The following CAPN2 variants were observed in gnomAD, a reference collection of about 807,000 sequenced individuals.
CAPN2 encodes calpain 2, also known as calpain-2 catalytic subunit.
In CAPN2, 92 loss-of-function variants were observed where a neutral mutation model predicts 102.3. The ratio of observed to expected loss-of-function variants is 0.90; its 90% confidence interval spans 0.76 to 1.07. The LOEUF (loss-of-function observed/expected upper bound fraction) is 1.07. Among genes scored for constraint, CAPN2 ranks in the 50% least tolerant of loss-of-function variants. The pLI is 0.00. For synonymous variants in CAPN2, 340 were observed against 355.4 expected, an observed-to-expected ratio of 0.96 and a Z score of 0.49; for missense variants, 800 against 909.4, an observed-to-expected ratio of 0.88 and a Z score of 1.55.
In CAPN2 at chr1:223,725,031, AGGACTT is replaced by A. The variant is rs923397459; in HGVS notation, c.307+7203_307+7208del. Among the ~76,000 whole-genome samples, 5 of 152,216 alleles carry A rather than the reference AGGACTT, an allele frequency of 3.3e-5. No homozygotes were observed. The highest frequency in any genetic ancestry group is 2.0e-4 in the Admixed American group (3 of 15,276). On this transcript the variant is annotated intron_variant, in intron 2 of 20. Coordinates refer to ENST00000295006, the MANE Select transcript of CAPN2 (RefSeq NM_001748.5). This position sits in a 1 kb window ranked among gnomAD's most constrained non-coding sequence, Gnocchi z 4.1. Reference sequence around the variant, plus strand: ...TCTGTAAATATCAGGGTAGCGAATGAGGACTTGGTGTCTGGCAGTTAGGGACTGGCC... The same window carrying A: ...TCTGTAAATATCAGGGTAGCGAATGAGGTGTCTGGCAGTTAGGGACTGGCC...
intron 2 of CAPN2, among the ~76,000 whole-genome samples, chr1:223,737,772 A>C (rs1386332914): frequency 1.3e-5 from 2 of 151,574 alleles, no homozygotes; most frequent in Non-Finnish European, 2.9e-5. Context: ...CAGTTCTAAA[A>C]GAAAAACAAC....
At position 223,755,759 on chromosome 1, in the gene CAPN2, C is replaced by T; in HGVS notation, c.1305+110C>T. On this transcript the variant is annotated intron_variant, in intron 10 of 20. Coordinates refer to ENST00000295006, the MANE Select transcript of CAPN2 (RefSeq NM_001748.5). The surrounding 1 kb of genome is among the most constrained non-coding windows in gnomAD (Gnocchi z 4.1). ...TGGGGATGGGATCCCAGACCGGGAG[C>T]TTGGCCAAGGAAAAACAAAACTACC... The T allele has an allele frequency of 8.6e-7, 1 of 1,161,880 alleles. No individual in the cohort carries two copies. 72.0% of individuals were successfully genotyped at this position (1,161,880 alleles called of 1,614,324 possible).
chr1:223,720,197 T>C lies in CAPN2; in HGVS notation c.307+2366T>C, dbSNP rs370423478. 2.0e-5 allele frequency among the ~76,000 whole-genome samples: 3 copies of C among 152,294 alleles called. No homozygotes were observed. The East Asian group carries it at 5.8e-4, about 29-fold the overall frequency. ...AAATGGAGTGACCTCAGACACCCCCTATGAGTTTGTATTCAGCTATTCTAA... is the reference window on the plus strand; with the variant it reads ...AAATGGAGTGACCTCAGACACCCCCCATGAGTTTGTATTCAGCTATTCTAA... On this transcript the variant is annotated intron_variant, in intron 2 of 20. Coordinates refer to ENST00000295006, the MANE Select transcript of CAPN2 (RefSeq NM_001748.5).
At chr1:223,768,114 C>T (rs1221139384) in intron 16 of CAPN2, among the ~76,000 whole-genome samples, 5 of 151,770 alleles carry the variant, frequency 3.3e-5, no homozygotes, top group African/African-American at 7.3e-5. Flanking sequence ...AAGCAGGTTG[C>T]GAAAATTTTC....
At chr1:223,768,095 T>C (rs1354112799) in intron 16 of CAPN2, among the ~76,000 whole-genome samples, 3 of 151,964 alleles carry the variant, frequency 2.0e-5, no homozygotes, top group Non-Finnish European at 4.4e-5. Context: ...TATTAGCCCT[T>C]TGTCAGATAA....
intron 1 of CAPN2, among the ~76,000 whole-genome samples, chr1:223,714,827 G>A (rs994449139): frequency 3.3e-5 from 5 of 152,318 alleles, no homozygotes; most frequent in Admixed American, 1.3e-4. Flanking sequence ...TGAGGCTAGT[G>A]AGGGGACAGA....
In CAPN2 at chr1:223,752,958, T is replaced by A; in HGVS notation, c.1135+2T>A. The A allele has an allele frequency of 3.1e-6, 5 of 1,613,728 alleles. No homozygotes were observed. Among genetic ancestry groups the A allele is most frequent in the Non-Finnish European group, 4.2e-6 (5 of 1,179,868 alleles). ...CGGGAGGTTGCAGGAACTACCCGAG[T>A]AAGGGCTGTTGCATATAAGGGCTGT... On this transcript the variant is annotated splice_donor_variant, in intron 9 of 20. Coordinates refer to ENST00000295006, the MANE Select transcript of CAPN2 (RefSeq NM_001748.5). LOFTEE classifies it high-confidence loss of function.
At chr1:223,737,112 G>T (rs1223317715) in intron 2 of CAPN2, among the ~76,000 whole-genome samples, 2 of 152,150 alleles carry the variant, frequency 1.3e-5, no homozygotes, top group Non-Finnish European at 2.9e-5. Flanking sequence ...GGGACAGGAG[G>T]CCCCTAAAAT....
rs1172087442 is a variant in CAPN2 at position 223,752,883 on chromosome 1, G to A, written c.1062G>A (p.Lys354=). The change falls in exon 9 of 21, where the codon AAG becomes AAA. Residue 354 remains lysine, a synonymous_variant. Transcript: ENST00000295006. ...ACACTCTCACCAGCGATACCTACAAGAAGTGGAAACTCACCAAAATGGATG... is the reference window on the plus strand; with the variant it reads ...ACACTCTCACCAGCGATACCTACAAAAAGTGGAAACTCACCAAAATGGATG... ...TPDTLTSDTY[K]KWKLTKMDGN... is the part of the protein sequence containing the mutation. The A allele has an allele frequency of 1.9e-6, 3 of 1,614,088 alleles. No homozygotes were observed. The African/African-American group carries it at 4.0e-5, about 22-fold the overall frequency.
chr1:223,771,582 G>A (rs1661471776), intron 18 of CAPN2: 1 of 497,374 alleles, frequency 2.0e-6, no homozygotes. Flanking sequence ...AAACACTTAT[G>A]TGTCAGCAAA....
chr1:223,749,004 G>T, intron 5 of CAPN2, 35 bp from the exon 6 acceptor site: 1 of 1,581,142 alleles, frequency 6.3e-7, no homozygotes, highest in Non-Finnish European at 8.7e-7. Context: ...AAGGGAGAGC[G>T]GGTGCGGCCA....
Position 223,750,837 on chromosome 1 carries a change from T to C in CAPN2, c.814-53T>C. The C allele has an allele frequency of 2.6e-6, 4 of 1,515,352 alleles. No individual in the cohort carries two copies. The South Asian group carries it at 4.8e-5, about 18-fold the overall frequency. 93.9% of individuals were successfully genotyped at this position (1,515,352 alleles called of 1,614,324 possible). A position where few individuals can be genotyped will look rare whatever the true frequency, so the allele number is the denominator to read the frequency against. On this transcript the variant is annotated intron_variant, in intron 6 of 20. Coordinates refer to ENST00000295006, the MANE Select transcript of CAPN2 (RefSeq NM_001748.5). ...AGGGGGTTGGAGGCCCAAGCCTTCA[T>C]AGCCCTGACTTGAACTCAACCTCTT... is the stretch of plus-strand genomic sequence containing the variant.
At chr1:223,767,244 T>A (rs1444423211) in intron 16 of CAPN2, among the ~76,000 whole-genome samples, 3 of 152,054 alleles carry the variant, frequency 2.0e-5, no homozygotes, top group African/African-American at 7.2e-5. Context: ...AATGTGCAGG[T>A]TAGTTACATA....
At position 223,750,388 on chromosome 1, in the gene CAPN2, C is replaced by T. The variant is rs561839886; in HGVS notation, c.814-502C>T. ...ACATAATTCCTCTACTGTTGCCACACCTAAGAAAATAACATTAATTCAGTA... is the reference window on the plus strand; with the variant it reads ...ACATAATTCCTCTACTGTTGCCACATCTAAGAAAATAACATTAATTCAGTA... On this transcript the variant is annotated intron_variant, in intron 6 of 20. Coordinates refer to ENST00000295006, the MANE Select transcript of CAPN2 (RefSeq NM_001748.5). Among the ~76,000 whole-genome samples the T allele has an allele frequency of 7.9e-5, 12 of 152,294 alleles. No homozygotes were observed. The East Asian group carries it at 1.2e-3, about 15-fold the overall frequency.
chr1:223,715,968 C>T (rs1036285244), intron 1 of CAPN2, among the ~76,000 whole-genome samples: 5 of 152,172 alleles, frequency 3.3e-5, no homozygotes, highest in South Asian at 2.1e-4. Flanking sequence ...GTGTTTTCAT[C>T]GTTCCCATTT....
At chr1:223,740,362 A>G (rs1191708344) in intron 2 of CAPN2, among the ~76,000 whole-genome samples, 1 of 152,236 alleles carries the variant, frequency 6.6e-6, no homozygotes, top group Admixed American at 6.5e-5. Flanking sequence ...GAGTTTTGCC[A>G]CGAGAGTACA....
At chr1:223,712,371 G>A, upstream of CAPN2, 1 of 881,388 alleles carries the variant, frequency 1.1e-6, no homozygotes, top group Non-Finnish European at 1.4e-6. Flanking sequence ...GGAGCTGTCC[G>A]CAGATGGCAG....
At chr1:223,753,919 A>G (rs1215445177) in intron 9 of CAPN2, among the ~76,000 whole-genome samples, 1 of 152,218 alleles carries the variant, frequency 6.6e-6, no homozygotes, top group Non-Finnish European at 1.5e-5. Context: ...AATCCAAAAT[A>G]GGAAACACTT....
chr1:223,774,983 T>C lies in CAPN2; in HGVS notation c.*126T>C, dbSNP rs1661576856. The C allele has an allele frequency of 3.8e-6, 3 of 782,574 alleles. No homozygotes were observed. Among genetic ancestry groups the C allele is most frequent in the Non-Finnish European group, 6.5e-6 (3 of 461,320 alleles). The allele number at this position is 782,574 out of a possible 1,614,324, so 48.5% of individuals were successfully genotyped here. A position where few individuals can be genotyped will look rare whatever the true frequency, so the allele number is the denominator to read the frequency against. ...GAACATTTACTTAAACGGATGATCA[T>C]AGCTGAAAATAATGATACTGTCAAT... On this transcript the variant is annotated 3_prime_UTR_variant, in exon 21 of 21. Coordinates refer to ENST00000295006, the MANE Select transcript of CAPN2 (RefSeq NM_001748.5).
Sources: allele counts gnomAD v4.1 joint callset (sites outside exome capture counted in the v4.1 genomes callset), GRCh38; gene constraint gnomAD v4.1.1; non-coding constraint Gnocchi (gnomAD v3.1); transcripts MANE v1.5; gene names NCBI Gene and HGNC (gene_info 2026-07-23, HGNC 2026-07-21).